Variants in ZNF362 observed in about 807,000 individuals in gnomAD.
The protein encoded by ZNF362 is rotund homolog.
Under a neutral mutation model 42.9 loss-of-function variants are expected in ZNF362, and 11 were observed. That is an observed-to-expected ratio of 0.26 (90% CI 0.16 to 0.42). ZNF362 has a LOEUF of 0.42. ZNF362 is among the 20% of genes least tolerant of loss of function. The pLI is 1.00. For synonymous variants in ZNF362, 255 were observed against 257.3 expected, an observed-to-expected ratio of 0.99 and a Z score of 0.09; for missense variants, 362 against 576.2, an observed-to-expected ratio of 0.63 and a Z score of 3.81.
chr1:33,132,908 A>G, the ZNF362 span, among the ~76,000 whole-genome samples: 1 of 152,238 alleles, frequency 6.6e-6, no homozygotes, highest in Non-Finnish European at 1.5e-5. Flanking sequence ...TACTTCAGAA[A>G]AGCATGGGGG....
chr1:33,169,615 C>T, the ZNF362 span, among the ~76,000 whole-genome samples: 1 of 152,226 alleles, frequency 6.6e-6, no homozygotes, highest in South Asian at 2.1e-4. Context: ...ACATTCAAGG[C>T]TCTACTGCTG....
chr1:33,200,504 G>C, the ZNF362 span, among the ~76,000 whole-genome samples: 4 of 152,104 alleles, frequency 2.6e-5, no homozygotes, highest in Non-Finnish European at 4.4e-5. Context: ...AAAAAGTATA[G>C]ATTTTCAGAC....
chr1:33,250,805 GAGA>G, the ZNF362 span, among the ~76,000 whole-genome samples: 29 of 144,502 alleles, frequency 2.0e-4, no homozygotes, highest in African/African-American at 4.3e-4. Context: ...GGAGGAGAAG[GAGA>G]AGAAGAAGAA....
the ZNF362 span, among the ~76,000 whole-genome samples, chr1:33,238,614 C>G: frequency 6.6e-6 from 1 of 151,936 alleles, no homozygotes; most frequent in East Asian, 1.9e-4. Flanking sequence ...TTGTTATGGA[C>G]TGAATTGTGT....
the ZNF362 span, among the ~76,000 whole-genome samples, chr1:33,175,298 T>C: frequency 6.6e-6 from 1 of 151,986 alleles, no homozygotes; most frequent in South Asian, 2.1e-4. Flanking sequence ...TGCCTTGGCC[T>C]CCTGAAGTGC....
At chr1:33,216,565 A>C in the ZNF362 span, among the ~76,000 whole-genome samples, 1 of 118,196 alleles carries the variant, frequency 8.5e-6, no homozygotes, top group Non-Finnish European at 1.7e-5. Flanking sequence ...GTGCCATTGC[A>C]CTCCAGCGTG....
the ZNF362 span, among the ~76,000 whole-genome samples, chr1:33,175,322 G>A: frequency 1.3e-5 from 2 of 151,954 alleles, no homozygotes; most frequent in African/African-American, 2.4e-5. Flanking sequence ...GATTACAGGC[G>A]TGGGCCACTG....
At chr1:33,297,030 T>C (rs1425407682) in intron 8 of ZNF362, among the ~76,000 whole-genome samples, 1 of 152,102 alleles carries the variant, frequency 6.6e-6, no homozygotes, top group African/African-American at 2.4e-5. Flanking sequence ...TAGGTGGGGT[T>C]GTTGGCAGTA....
At chr1:33,224,537 A>G in the ZNF362 span, among the ~76,000 whole-genome samples, 1 of 152,242 alleles carries the variant, frequency 6.6e-6, no homozygotes, top group Non-Finnish European at 1.5e-5. Flanking sequence ...CAAGAGATCT[A>G]TAAGAGATAA....
chr1:33,220,961 T>C, the ZNF362 span, among the ~76,000 whole-genome samples: 3 of 151,912 alleles, frequency 2.0e-5, no homozygotes, highest in Admixed American at 6.6e-5. Flanking sequence ...TGTGGAAGGG[T>C]GTGGCCCATC....
the ZNF362 span, among the ~76,000 whole-genome samples, chr1:33,232,149 C>T: frequency 6.6e-6 from 1 of 152,134 alleles, no homozygotes; most frequent in African/African-American, 2.4e-5. Context: ...TTCCCCTTGC[C>T]AGATATTGGT....
At chr1:33,196,630 A>G in the ZNF362 span, among the ~76,000 whole-genome samples, 22 of 152,184 alleles carry the variant, frequency 1.4e-4, no homozygotes, top group Non-Finnish European at 2.1e-4. Context: ...TTTTCTTTTA[A>G]TAAGTAGAAG....
chr1:33,232,832 T>C, the ZNF362 span, among the ~76,000 whole-genome samples: 1 of 152,236 alleles, frequency 6.6e-6, no homozygotes, highest in Non-Finnish European at 1.5e-5. Flanking sequence ...ACCACTCCTG[T>C]GACACTTGTC....
intron 1 of ZNF362, among the ~76,000 whole-genome samples, chr1:33,259,496 A>G (rs1411350267): frequency 1.3e-5 from 2 of 152,224 alleles, no homozygotes; most frequent in Non-Finnish European, 2.9e-5. Context: ...CTGTAAAATG[A>G]GGAGCCATTC....
chr1:33,218,978 C>CACACACATACAT, the ZNF362 span, among the ~76,000 whole-genome samples: 59 of 134,444 alleles, frequency 4.4e-4, no homozygotes, highest in Non-Finnish European at 8.7e-4. Context: ...CACACACACA[C>CACACACATACAT]ACATACACCA....
the ZNF362 span, among the ~76,000 whole-genome samples, chr1:33,192,076 T>C: frequency 6.6e-6 from 1 of 152,210 alleles, no homozygotes; most frequent in Non-Finnish European, 1.5e-5. Context: ...CCTCCAGCTG[T>C]AGGAAATTAG....
chr1:33,258,386 G>C (rs1645807959), intron 1 of ZNF362, among the ~76,000 whole-genome samples: 1 of 152,184 alleles, frequency 6.6e-6, no homozygotes, highest in African/African-American at 2.4e-5. Context: ...TCTCACTCCT[G>C]GTTTGTGTCC....
chr1:33,271,178 G>A (rs1171228911), intron 2 of ZNF362, among the ~76,000 whole-genome samples: 4 of 152,208 alleles, frequency 2.6e-5, no homozygotes, highest in Non-Finnish European at 4.4e-5. Context: ...TCAGGCCTAG[G>A]AGTCAGGGAG....
chr1:33,149,697 C>G, the ZNF362 span, among the ~76,000 whole-genome samples: 4,472 of 152,282 alleles, frequency 0.029, 205 homozygotes, highest in African/African-American at 0.091. Context: ...TCAAGTGATC[C>G]TGCTGCCTCA....
Sources: gnomAD v4.1 joint callset for allele counts (sites outside exome capture counted in the v4.1 genomes callset) on GRCh38, gnomAD v4.1.1 for gene constraint, MANE v1.5 for transcripts, NCBI Gene and HGNC (gene_info 2026-07-23, HGNC 2026-07-21) for gene names.